The following ARAP2 variants were observed in gnomAD, a reference collection of about 807,000 sequenced individuals.
The protein encoded by ARAP2 is arf-GAP with Rho-GAP domain, ANK repeat and PH domain-containing protein 2.
ARAP2 carries 148 observed loss-of-function variants against 194.5 expected under a neutral mutation model. The observed-to-expected ratio is 0.76, with a 90% CI of 0.67 to 0.87. The LOEUF (loss-of-function observed/expected upper bound fraction) is 0.87. Among genes scored for constraint, ARAP2 ranks in the 40% least tolerant of loss-of-function variants. ARAP2 has a pLI of 0.00. For synonymous variants in ARAP2, 695 were observed against 683.5 expected, an observed-to-expected ratio of 1.02 and a Z score of -0.26; for missense variants, 2,128 against 1,989.7, an observed-to-expected ratio of 1.07 and a Z score of -1.32.
At chr4:36,115,147 T>C (rs2109508959) in intron 25 of ARAP2, among the ~76,000 whole-genome samples, 1 of 152,146 alleles carries the variant, frequency 6.6e-6, no homozygotes, top group East Asian at 1.9e-4. Flanking sequence ...CATAAGCATA[T>C]TGCACATACA....
At chr4:36,102,515 T>C (rs1171402727) in intron 27 of ARAP2, among the ~76,000 whole-genome samples, 3 of 151,976 alleles carry the variant, frequency 2.0e-5, no homozygotes, top group Non-Finnish European at 4.4e-5. Flanking sequence ...AAGAGTAAAA[T>C]ATAGCCTTGT....
chr4:36,151,072 A>G (rs1730854517), intron 15 of ARAP2, 28 bp from the exon 16 acceptor site: 1 of 1,566,124 alleles, frequency 6.4e-7, no homozygotes, highest in East Asian at 2.3e-5. Context: ...AACAAATAAC[A>G]AATTGAGCTA....
intron 5 of ARAP2, among the ~76,000 whole-genome samples, chr4:36,038,058 T>C (rs374705014): frequency 8.9e-4 from 136 of 152,250 alleles, no homozygotes; most frequent in Non-Finnish European, 1.6e-3. Flanking sequence ...ACATCCTGGG[T>C]TCTGCAGAGT....
intron 23 of ARAP2, among the ~76,000 whole-genome samples, chr4:36,120,259 GAAGTA>G (rs557112451): frequency 8.2e-4 from 125 of 151,642 alleles, no homozygotes; most frequent in African/African-American, 3.0e-3. Flanking sequence ...CATATAGAAA[GAAGTA>G]AAGAGGAGAT....
In ARAP2 at chr4:36,204,157, G is replaced by A. The variant is rs143337484; in HGVS notation, c.1487+6233C>T. Among the ~76,000 whole-genome samples the A allele has an allele frequency of 6.3e-4, 96 of 152,080 alleles. 1 individual carries two copies. Among genetic ancestry groups the A allele is most frequent in the African/African-American group, 2.2e-3 (90 of 41,486 alleles). On this transcript the variant is annotated intron_variant, in intron 6 of 32. Coordinates refer to ENST00000303965, the MANE Select transcript of ARAP2 (RefSeq NM_015230.4). ...CAAGAAGTCCAACACCAAACTATCA[G>A]GAATTCTAGAAAGAAGAAAAGTAAT... is the stretch of plus-strand genomic sequence containing the variant.
rs529371153 is a variant in ARAP2, at chr4:36,077,679, C to A, written c.4608+2537G>T. ...GTTCATCCCACTTGCATCTTTGACC[C>A]TCTACACTGCAGACTCAATGAAGTG... On this transcript the variant is annotated intron_variant, in intron 31 of 32. Coordinates refer to ENST00000303965, the MANE Select transcript of ARAP2 (RefSeq NM_015230.4). Among the ~76,000 whole-genome samples the A allele has an allele frequency of 4.6e-5, 7 of 152,140 alleles. No individual in the cohort carries two copies. In the South Asian group the frequency reaches 1.5e-3, roughly 32 times the overall value.
At chr4:36,040,740 C>T (rs1049020839) in intron 5 of ARAP2, among the ~76,000 whole-genome samples, 1 of 152,004 alleles carries the variant, frequency 6.6e-6, no homozygotes, top group African/African-American at 2.4e-5. Flanking sequence ...GCTTTTGGGT[C>T]GAGAGTACGG....
chr4:36,216,782 T>G lies in ARAP2; in HGVS notation c.906-2302A>C, dbSNP rs73229035. 5.9e-5 allele frequency among the ~76,000 whole-genome samples: 9 copies of G among 152,202 alleles called. No individual in the cohort carries two copies. The East Asian group carries it at 1.5e-3, about 26-fold the overall frequency. On this transcript the variant is annotated intron_variant, in intron 2 of 32. Transcript: ENST00000303965. ...TAATCTAAATAAATCTCAAAAATCA[T>G]CATGCTGAGCAAAAGAAGCAAGACA...
chr4:36,113,145 T>C (rs1356842525), intron 26 of ARAP2, among the ~76,000 whole-genome samples: 2 of 151,898 alleles, frequency 1.3e-5, no homozygotes, highest in African/African-American at 4.8e-5. Flanking sequence ...GAAGGTTAGG[T>C]AAAGTGAACC....
In ARAP2 at chr4:36,047,600, A is replaced by G. The variant is rs568963366; in HGVS notation, n.370-751T>C. 6.6e-5 allele frequency among the ~76,000 whole-genome samples: 10 copies of G among 152,232 alleles called. No homozygotes were observed. The South Asian group carries it at 1.9e-3, about 28-fold the overall frequency. On this transcript the variant is annotated intron_variant and non_coding_transcript_variant, in intron 3 of 12. Coordinates refer to the ARAP2 transcript ENST00000503225. ...TGATAATTAACTCATTTATTCCTCAATATTCATTTTCCCCATTTGGCATAA... is the reference window on the plus strand; with the variant it reads ...TGATAATTAACTCATTTATTCCTCAGTATTCATTTTCCCCATTTGGCATAA...
At chr4:36,195,837 T>C (rs2109928130) in intron 6 of ARAP2, among the ~76,000 whole-genome samples, 1 of 152,362 alleles carries the variant, frequency 6.6e-6, no homozygotes, top group South Asian at 2.1e-4. Context: ...TATTTGCTTA[T>C]TTGCTTAATG....
At chr4:36,165,464 C>T (rs528977989) in intron 10 of ARAP2, among the ~76,000 whole-genome samples, 1 of 152,156 alleles carries the variant, frequency 6.6e-6, no homozygotes, top group East Asian at 1.9e-4. Flanking sequence ...GGCAGAGTTT[C>T]AGGGCTACTG....
At chr4:36,163,012 T>C (rs532345403) in intron 11 of ARAP2, among the ~76,000 whole-genome samples, 3 of 152,294 alleles carry the variant, frequency 2.0e-5, no homozygotes, top group Admixed American at 6.5e-5. Context: ...GGAACAACGA[T>C]GGCTCCATTT....
chr4:36,214,464 T>C lies in ARAP2; in HGVS notation c.922A>G (p.Arg308Gly). 6 of 1,594,712 alleles carry C rather than the reference T, an allele frequency of 3.8e-6. No homozygotes were observed. The highest frequency in any genetic ancestry group is 4.3e-6 in the Non-Finnish European group (5 of 1,168,440). Residue 308 changes from arginine to glycine, a missense_variant, in exon 3 of 33, where the codon AGA becomes GGA. By Grantham distance (125) the Arg-to-Gly change is moderately radical. Coordinates refer to ENST00000303965, the MANE Select transcript of ARAP2 (RefSeq NM_015230.4). Reference protein sequence around the residue: ...GVSGSYFRERRNVATSTEKSV... With the variant: ...GVSGSYFRERGNVATSTEKSV... ...TTTTCAGTTGAGGTAGCAACATTTC[T>C]TCTTTCACGGAAATAGCTTAAAAAG...
intron 2 of ARAP2, 113 bp downstream of exon 2, chr4:36,228,469 T>A: frequency 2.7e-6 from 3 of 1,112,860 alleles, no homozygotes; most frequent in Non-Finnish European, 1.2e-6. Context: ...GTTGGTTGAA[T>A]AGGTAAATGA....
At chr4:36,237,011 C>T (rs1163057503) in intron 1 of ARAP2, among the ~76,000 whole-genome samples, 1 of 152,160 alleles carries the variant, frequency 6.6e-6, no homozygotes, top group Admixed American at 6.5e-5. Context: ...ATGTACATGG[C>T]TAAACCTATA....
intron 5 of ARAP2, among the ~76,000 whole-genome samples, chr4:36,034,775 C>G (rs575529445): frequency 6.6e-6 from 1 of 152,110 alleles, no homozygotes; most frequent in Admixed American, 6.6e-5. Context: ...CTTTCAATGC[C>G]TAGTTGAGGA....
At chr4:36,071,634 T>C (rs1162683263) in intron 32 of ARAP2, among the ~76,000 whole-genome samples, 1 of 152,132 alleles carries the variant, frequency 6.6e-6, no homozygotes, top group African/African-American at 2.4e-5. Context: ...AATATATTCA[T>C]TGTTATGACT....
downstream of ARAP2, chr4:36,065,442 C>T (rs1725239907): frequency 4.5e-6 from 2 of 439,560 alleles, no homozygotes; most frequent in South Asian, 3.5e-5. Flanking sequence ...CACTCTTTGC[C>T]CAGTGTATTC....
Sources: allele counts gnomAD v4.1 joint callset (sites outside exome capture counted in the v4.1 genomes callset), GRCh38; gene constraint gnomAD v4.1.1; transcripts MANE v1.5; gene names NCBI Gene and HGNC (gene_info 2026-07-23, HGNC 2026-07-21).